The following SPSB1 variants were observed in gnomAD, a reference collection of about 807,000 sequenced individuals.
The protein encoded by SPSB1 is SPRY domain-containing SOCS box protein 1.
In SPSB1, 8 loss-of-function variants were observed where a neutral mutation model predicts 21.2. The ratio of observed to expected loss-of-function variants is 0.38; its 90% CI spans 0.22 to 0.68. The LOEUF (loss-of-function observed/expected upper bound fraction) is 0.68. SPSB1 is among the 30% of genes least tolerant of loss of function. The pLI is 0.53. For missense variants in SPSB1, 242 were observed against 377.8 expected (o/e 0.64, Z 2.98); for synonymous variants, 169 against 161.7 (o/e 1.05, Z -0.34).
At chr1:9,312,962 C>G (rs1437646488) in intron 1 of SPSB1, among the ~76,000 whole-genome samples, 1 of 152,184 alleles carries the variant, frequency 6.6e-6, no homozygotes, top group African/African-American at 2.4e-5. Context: ...TAGAACAAGA[C>G]CAGTTTGCTT....
Position 9,321,777 on chromosome 1 carries a change from TGA to T in SPSB1, c.-150+28710_-150+28711del, listed in dbSNP as rs1639725741. Among the ~76,000 whole-genome samples, 1 of 152,146 alleles carries T rather than the reference TGA, an allele frequency of 6.6e-6. No homozygotes were observed. The highest frequency in any genetic ancestry group is 2.4e-5 in the African/African-American group (1 of 41,418). ...CTGAGTCGGTGGAGGAGGAGGACTC[TGA>T]GAGGCTGGGAGACTGGCCAGGGGCA... On this transcript the variant is annotated intron_variant, in intron 1 of 2. Transcript: ENST00000328089. This position sits in a 1 kb window ranked among gnomAD's most constrained non-coding sequence, Gnocchi z 4.8.
In SPSB1 at chr1:9,305,470, G is replaced by A. The variant is rs1475011079; in HGVS notation, c.-150+12399G>A. Among the ~76,000 whole-genome samples the A allele has an allele frequency of 6.6e-6, 1 of 152,244 alleles. No homozygotes were observed. The highest frequency in any genetic ancestry group is 6.5e-5 in the Admixed American group (1 of 15,290). ...GCTGTTGTTCACGGCTGAGTCCCCA[G>A]TAGTTAGGTCCACAGTAGGTTCTTG... is the stretch of plus-strand genomic sequence containing the variant. On this transcript the variant is annotated intron_variant, in intron 1 of 2. Transcript: ENST00000328089. The surrounding 1 kb of genome is among the most constrained non-coding windows in gnomAD (Gnocchi z 4.8).
chr1:9,314,157 C>A (rs537526019), intron 1 of SPSB1, among the ~76,000 whole-genome samples: 68 of 143,404 alleles, frequency 4.7e-4, no homozygotes, highest in African/African-American at 1.6e-3. Flanking sequence ...GCCTGGGCAA[C>A]AGATTGAGAC....
chr1:9,368,902 C>T lies in SPSB1; in HGVS notation c.*1327C>T, dbSNP rs1265957633. The T allele has an allele frequency of 6.6e-6, 1 of 152,532 alleles. No individual in the cohort carries two copies. Among genetic ancestry groups the T allele is most frequent in the Non-Finnish European group, 1.5e-5 (1 of 68,036 alleles). The allele number at this position is 152,532 out of a possible 1,614,324, so 9.4% of individuals were successfully genotyped here. A position where few individuals can be genotyped will look rare whatever the true frequency, so the allele number is the denominator to read the frequency against. On this transcript the variant is annotated 3_prime_UTR_variant, in exon 3 of 3. Coordinates refer to ENST00000328089, the MANE Select transcript of SPSB1 (RefSeq NM_025106.4). ...AGGGGTGCCCTATCCCTGGCAACCCCTCCACGTAGCGTACCCCAGCACCTG... is the reference window on the plus strand; with the variant it reads ...AGGGGTGCCCTATCCCTGGCAACCCTTCCACGTAGCGTACCCCAGCACCTG...
intron 1 of SPSB1, among the ~76,000 whole-genome samples, chr1:9,355,067 G>A (rs141576098): frequency 2.4e-4 from 36 of 152,352 alleles, no homozygotes; most frequent in Non-Finnish European, 4.9e-4. Context: ...CGGGGGTCGG[G>A]GGATGAGCCC....
At chr1:9,339,325 G>A (rs1640053810) in intron 1 of SPSB1, 1 of 983,604 alleles carries the variant, frequency 1.0e-6, no homozygotes, top group Non-Finnish European at 1.2e-6. Context: ...GGTGGTCTCG[G>A]GTGGGGCGTG....
chr1:9,362,583 G>T (rs563588548), intron 2 of SPSB1, among the ~76,000 whole-genome samples: 32 of 152,360 alleles, frequency 2.1e-4, no homozygotes, highest in African/African-American at 7.0e-4. Context: ...CTCTGATGCG[G>T]AACATTTTTC....
chr1:9,344,504 G>A (rs543169618), intron 1 of SPSB1, among the ~76,000 whole-genome samples: 22 of 152,264 alleles, frequency 1.4e-4, no homozygotes, highest in Admixed American at 5.9e-4. Flanking sequence ...CTGGCTGAGC[G>A]CTCTCCTGCA....
chr1:9,352,481 C>G (rs564254171), intron 1 of SPSB1, among the ~76,000 whole-genome samples: 1 of 152,306 alleles, frequency 6.6e-6, no homozygotes, highest in African/African-American at 2.4e-5. Context: ...TTATTTATGT[C>G]CCGTCTGTGG....
In SPSB1 at chr1:9,349,590, T is replaced by C. The variant is rs527342197; in HGVS notation, c.-149-6153T>C. On this transcript the variant is annotated intron_variant, in intron 1 of 2. Transcript: ENST00000328089. ...TGGGTGGGTGGACGGCTTGCCTGCCTTCCTCAGGAGGAAGCTATCCACGGG... is the reference window on the plus strand; with the variant it reads ...TGGGTGGGTGGACGGCTTGCCTGCCCTCCTCAGGAGGAAGCTATCCACGGG... Among the ~76,000 whole-genome samples the C allele has an allele frequency of 2.8e-3, 424 of 152,354 alleles. 2 individuals carry two copies. Among genetic ancestry groups the C allele is most frequent in the Non-Finnish European group, 4.4e-3 (300 of 68,022 alleles).
At chr1:9,360,412 G>A (rs766492008) in intron 2 of SPSB1, among the ~76,000 whole-genome samples, 1 of 152,198 alleles carries the variant, frequency 6.6e-6, no homozygotes, top group Non-Finnish European at 1.5e-5. Context: ...GGAGTGGCTG[G>A]AGGAAGACAG....
chr1:9,309,414 C>G (rs1344934151), intron 1 of SPSB1, among the ~76,000 whole-genome samples: 1 of 151,870 alleles, frequency 6.6e-6, no homozygotes, highest in Non-Finnish European at 1.5e-5. Context: ...AACTCCTGGG[C>G]TCAAGCGATC....
chr1:9,343,978 T>C (rs543735666), intron 1 of SPSB1, among the ~76,000 whole-genome samples: 122 of 152,190 alleles, frequency 8.0e-4, no homozygotes, highest in Admixed American at 2.2e-3. Context: ...AAAGTAGAGA[T>C]GGGGTTTCAC....
Position 9,316,827 on chromosome 1 carries a change from G to A in SPSB1, c.-150+23756G>A, listed in dbSNP as rs778084044. Among the ~76,000 whole-genome samples the A allele has an allele frequency of 9.9e-4, 150 of 152,284 alleles. No individual in the cohort carries two copies. In the Middle Eastern group the frequency reaches 0.01, roughly 10 times the overall value. On this transcript the variant is annotated intron_variant, in intron 1 of 2. Coordinates refer to ENST00000328089, the MANE Select transcript of SPSB1 (RefSeq NM_025106.4). ...TGGGAGGTGGCTGGCTTTCCACCTC[G>A]GTTCTCCCTGCTCCTATGACCTGGC... is the stretch of plus-strand genomic sequence containing the variant.
At chr1:9,353,195 C>T (rs377014407) in intron 1 of SPSB1, among the ~76,000 whole-genome samples, 24 of 151,790 alleles carry the variant, frequency 1.6e-4, no homozygotes, top group African/African-American at 5.8e-4. Context: ...CTCAGCCCGC[C>T]CGGCCCCTCG....
chr1:9,296,541 A>G (rs1293380180), intron 1 of SPSB1, among the ~76,000 whole-genome samples: 1 of 152,206 alleles, frequency 6.6e-6, no homozygotes, highest in East Asian at 1.9e-4. Context: ...ACATACACAT[A>G]CTCACATATG....
Position 9,324,329 on chromosome 1 carries a change from T to G in SPSB1, c.-150+31258T>G, listed in dbSNP as rs1639776778. 6.6e-6 allele frequency among the ~76,000 whole-genome samples: 1 copy of G among 152,154 alleles called. No homozygotes were observed. Among genetic ancestry groups the G allele is most frequent in the South Asian group, 2.1e-4 (1 of 4,828 alleles). ...TCGTGTCCCGATTAGCTGTTGGTGG[T>G]GTGCCATCTGCGGCTCTGCTCTGGT... is the stretch of plus-strand genomic sequence containing the variant. On this transcript the variant is annotated intron_variant, in intron 1 of 2. Transcript: ENST00000328089. This position sits in a 1 kb window ranked among gnomAD's most constrained non-coding sequence, Gnocchi z 4.3.
rs1007883271 is a variant in SPSB1 at position 9,348,603 on chromosome 1, C to T, written c.-149-7140C>T. ...CTGTATCTGCAGACCTGGCTGCCCC[C>T]ACCTGGAGGAGCCCACGAAACTGGA... On this transcript the variant is annotated intron_variant, in intron 1 of 2. Coordinates refer to ENST00000328089, the MANE Select transcript of SPSB1 (RefSeq NM_025106.4). This position sits in a 1 kb window ranked among gnomAD's most constrained non-coding sequence, Gnocchi z 4.8. Among the ~76,000 whole-genome samples, 1 of 152,162 alleles carries T rather than the reference C, an allele frequency of 6.6e-6. No individual in the cohort carries two copies. Among genetic ancestry groups the T allele is most frequent in the African/African-American group, 2.4e-5 (1 of 41,414 alleles).
Position 9,292,929 on chromosome 1 carries a change from C to T in SPSB1, c.-292C>T. 1 of 959,214 alleles carries T rather than the reference C, an allele frequency of 1.0e-6. No homozygotes were observed. The highest frequency in any genetic ancestry group is 1.2e-6 in the Non-Finnish European group (1 of 821,570). The allele number at this position is 959,214 out of a possible 1,614,324, so 59.4% of individuals were successfully genotyped here. On this transcript the variant is annotated 5_prime_UTR_variant, in exon 1 of 3. Coordinates refer to ENST00000328089, the MANE Select transcript of SPSB1 (RefSeq NM_025106.4). ...CGCGCTCGGGCAGCCTGCGCGCTCGCAGCAGGAACCAGGCTCCAGGCGCCG... is the reference window on the plus strand; with the variant it reads ...CGCGCTCGGGCAGCCTGCGCGCTCGTAGCAGGAACCAGGCTCCAGGCGCCG...
Sources: gnomAD v4.1 joint callset for allele counts (sites outside exome capture counted in the v4.1 genomes callset) on GRCh38, gnomAD v4.1.1 for gene constraint, Gnocchi (gnomAD v3.1) non-coding constraint, MANE v1.5 for transcripts, NCBI Gene and HGNC (gene_info 2026-07-23, HGNC 2026-07-21) for gene names.